MOGS: variants seen among roughly 807,000 people sequenced by gnomAD.
The protein encoded by MOGS is epididymis secretory sperm binding protein.
A neutral mutation model predicts 68.5 loss-of-function variants in MOGS; 45 were observed. The observed-to-expected ratio is 0.66, with a 90% confidence interval of 0.52 to 0.84. MOGS has a LOEUF of 0.84. MOGS is among the 40% of genes least tolerant of loss of function. MOGS has a pLI of 0.00. For missense variants in MOGS, 1,020 were observed against 1,095.0 expected (o/e 0.93, Z 0.97); for synonymous variants, 492 against 461.2 (o/e 1.07, Z -0.86).
In MOGS at chr2:74,462,952, A is replaced by G; in HGVS notation, c.837T>C (p.Ser279=). 1 of 1,613,934 alleles carries G rather than the reference A, an allele frequency of 6.2e-7. No individual in the cohort carries two copies. The highest frequency in any genetic ancestry group is 1.3e-5 in the African/African-American group (1 of 74,948). The change falls in exon 4 of 4, where the codon AGT becomes AGC. Residue 279 remains serine (S), a synonymous_variant. Coordinates refer to ENST00000448666, the MANE Select transcript of MOGS (RefSeq NM_006302.3). ...GATGCTGAAACCAGCTATTTAGGCG[A>G]CTCTTTACCATCTCTGTCAGCAGGG... ...GLPLLTEMVK[S]RLNSWFQHRP...
Position 74,462,942 on chromosome 2 carries a change from T to C in MOGS, c.847A>G (p.Ser283Gly), listed in dbSNP as rs992008210. ...CCTGGGGGCCGATGCTGAAACCAGC[T>C]ATTTAGGCGACTCTTTACCATCTCT... ...LTEMVKSRLN[S>G]WFQHRPPGAP... Residue 283 changes from serine to glycine, a missense_variant, in exon 4 of 4, where the codon AGC (serine) becomes GGC (glycine). By Grantham distance (56) the Ser-to-Gly change is moderately conservative. This residue lies in a region of MOGS where 569 missense variants were observed against 571.9 expected (regional missense o/e 0.99). Coordinates refer to ENST00000448666, the MANE Select transcript of MOGS (RefSeq NM_006302.3). The C allele has an allele frequency of 2.2e-5, 36 of 1,614,086 alleles. No individual in the cohort carries two copies. Among genetic ancestry groups the C allele is most frequent in the Non-Finnish European group, 3.0e-5 (35 of 1,180,044 alleles).
chr2:74,461,133 A>G lies in MOGS; in HGVS notation c.*142T>C. The G allele has an allele frequency of 4.4e-6, 4 of 905,812 alleles. No homozygotes were observed. Among genetic ancestry groups the G allele is most frequent in the Non-Finnish European group, 7.0e-6 (4 of 573,668 alleles). The allele number at this position is 905,812 out of a possible 1,614,324, so 56.1% of individuals were successfully genotyped here. A position where few individuals can be genotyped will look rare whatever the true frequency, so the allele number is the denominator to read the frequency against. ...CACATTCACCCCAGGGCTATGTGGG[A>G]TGACAGCAAGGAGACACCTGAGATG... On this transcript the variant is annotated 3_prime_UTR_variant, in exon 4 of 4. Coordinates refer to ENST00000448666, the MANE Select transcript of MOGS (RefSeq NM_006302.3).
chr2:74,461,356 G>A lies in MOGS; in HGVS notation c.2433C>T (p.Asp811=). 6.2e-7 allele frequency: 1 copy of A among 1,614,148 alleles called. No homozygotes were observed. Among genetic ancestry groups the A allele is most frequent in the Non-Finnish European group, 8.5e-7 (1 of 1,180,054 alleles). ...ATGFLWEQYS[D]RDGRGMGCRP... Reference sequence around the variant, plus strand: ...GGCAGCCCATGCCTCGCCCATCGCGGTCACTGTACTGCTCCCAAAGAAAGC... The same window carrying A: ...GGCAGCCCATGCCTCGCCCATCGCGATCACTGTACTGCTCCCAAAGAAAGC... The change falls in exon 4 of 4, where the codon GAC becomes GAT. Residue 811 remains aspartate, a synonymous_variant. Transcript: ENST00000448666.
At position 74,462,429 on chromosome 2, in the gene MOGS, A is replaced by G; in HGVS notation, c.1360T>C (p.Phe454Leu). 1 of 1,613,450 alleles carries G rather than the reference A, an allele frequency of 6.2e-7. No individual in the cohort carries two copies. Among genetic ancestry groups the G allele is most frequent in the Non-Finnish European group, 8.5e-7 (1 of 1,179,566 alleles). Residue 454 changes from phenylalanine (F) to leucine (L), a missense_variant, in exon 4 of 4, where the codon TTT becomes CTT. This residue lies in a region of MOGS where 181 missense variants were observed against 261.8 expected (regional missense o/e 0.69). Transcript: ENST00000448666. Reference sequence around the variant, plus strand: ...CACCGCTGAACCACCAGCTGGTGAAAGCCTTCATCCCAAAGGAAGCCTCGT... The same window carrying G: ...CACCGCTGAACCACCAGCTGGTGAAGGCCTTCATCCCAAAGGAAGCCTCGT... Reference protein sequence around the residue: ...FPRGFLWDEGFHQLVVQRWDP... With the variant: ...FPRGFLWDEGLHQLVVQRWDP...
chr2:74,465,150 C>A lies in MOGS; in HGVS notation c.98G>T (p.Arg33Leu), dbSNP rs934016068. ...ARGGPGRRDG[R>L]GGGPRSTAGG... ...AGCCGTGCTACGCGGCCCGCCGCCCCGGCCGTCCCGTCGCCCGGGGCCTCC... is the reference window on the plus strand; with the variant it reads ...AGCCGTGCTACGCGGCCCGCCGCCCAGGCCGTCCCGTCGCCCGGGGCCTCC... The change falls in exon 1 of 4, where the codon CGG becomes CTG. Residue 33 changes from arginine (R) to leucine (L), a missense_variant. Around this residue, in one of 3 missense-constraint regions of MOGS, gnomAD observed 569 missense variants for 571.9 expected, o/e 0.99. Coordinates refer to ENST00000448666, the MANE Select transcript of MOGS (RefSeq NM_006302.3). 7 of 1,530,986 alleles carry A rather than the reference C, an allele frequency of 4.6e-6. No homozygotes were observed. In the Admixed American group the frequency reaches 5.9e-5, roughly 13 times the overall value. The allele number at this position is 1,530,986 out of a possible 1,614,324, so 94.8% of individuals were successfully genotyped here. A position where few individuals can be genotyped will look rare whatever the true frequency, so the allele number is the denominator to read the frequency against.
In MOGS at chr2:74,465,304, C is replaced by A; in HGVS notation, c.-57G>T. ...GGAGAGGCGGCAGTGGAGCCCGGGT[C>A]CTGCCTCACCTCTCCGGCTCCCGCC... On this transcript the variant is annotated 5_prime_UTR_variant, in exon 1 of 4. Transcript: ENST00000448666. The A allele has an allele frequency of 7.9e-7, 1 of 1,273,014 alleles. No homozygotes were observed. The highest frequency in any genetic ancestry group is 1.0e-6 in the Non-Finnish European group (1 of 994,936). The allele number at this position is 1,273,014 out of a possible 1,614,324, so 78.9% of individuals were successfully genotyped here.
At position 74,462,983 on chromosome 2, in the gene MOGS, C is replaced by T. The variant is rs201775541; in HGVS notation, c.806G>A (p.Gly269Glu). The change falls in exon 4 of 4, where the codon GGA becomes GAA. Residue 269 changes from glycine to glutamate, a missense_variant. Coordinates refer to ENST00000448666, the MANE Select transcript of MOGS (RefSeq NM_006302.3). ...SYNVFWTSNP[G>E]LPLLTEMVKS... ...TACCATCTCTGTCAGCAGGGGCAGT[C>T]CTGGGTTGGAGGTCCAGAAGACATT... 66 of 1,614,032 alleles carry T rather than the reference C, an allele frequency of 4.1e-5. No homozygotes were observed. The African/African-American group carries it at 7.1e-4, about 17-fold the overall frequency.
Position 74,464,908 on chromosome 2 carries a change from G to T in MOGS, c.340C>A (p.Pro114Thr). Reference protein sequence around the residue: ...YFGMKTRSPKPLLTGLMWAQQ... With the variant: ...YFGMKTRSPKTLLTGLMWAQQ... The stretch of plus-strand genomic sequence containing the variant: ...GGGGCCCGGTTACCGGTGAGGAGGG[G>T]CTTCGGGCTGCGGGTCTTCATGCCG... The change falls in exon 1 of 4, where the codon CCC (proline) becomes ACC (threonine). Residue 114 changes from proline (P) to threonine (T), a missense_variant. Pro to Thr is a conservative substitution (Grantham distance 38). This residue lies in a region of MOGS where 569 missense variants were observed against 571.9 expected (regional missense o/e 0.99). Coordinates refer to ENST00000448666, the MANE Select transcript of MOGS (RefSeq NM_006302.3). The T allele has an allele frequency of 6.2e-7, 1 of 1,605,282 alleles. No individual in the cohort carries two copies. The highest frequency in any genetic ancestry group is 2.2e-5 in the East Asian group (1 of 44,578).
At position 74,465,322 on chromosome 2, in the gene MOGS, C is replaced by T; in HGVS notation, c.-75G>A. 2 of 1,099,796 alleles carry T rather than the reference C, an allele frequency of 1.8e-6. No individual in the cohort carries two copies. The highest frequency in any genetic ancestry group is 1.6e-5 in the African/African-American group (1 of 60,634). The allele number at this position is 1,099,796 out of a possible 1,614,324, so 68.1% of individuals were successfully genotyped here. On this transcript the variant is annotated 5_prime_UTR_variant, in exon 1 of 4. Coordinates refer to ENST00000448666, the MANE Select transcript of MOGS (RefSeq NM_006302.3). ...CCCGGGTCCTGCCTCACCTCTCCGG[C>T]TCCCGCCTCTCGCCCTGGCGACCAC... is the stretch of plus-strand genomic sequence containing the variant.
chr2:74,461,339 A>T lies in MOGS; in HGVS notation c.2450T>A (p.Met817Lys). ...CCAGCCGTGGAAAGGGCGGCAGCCC[A>T]TGCCTCGCCCATCGCGGTCACTGTA... ...EQYSDRDGRG[M>K]GCRPFHGWTS... Residue 817 changes from methionine to lysine, a missense_variant, in exon 4 of 4, where the codon ATG becomes AAG. By Grantham distance (95) the Met-to-Lys change is moderately conservative. This residue lies in a region of MOGS where 270 missense variants were observed against 261.3 expected (regional missense o/e 1.03). Coordinates refer to ENST00000448666, the MANE Select transcript of MOGS (RefSeq NM_006302.3). 1 of 1,614,106 alleles carries T rather than the reference A, an allele frequency of 6.2e-7. No homozygotes were observed. The highest frequency in any genetic ancestry group is 1.1e-5 in the South Asian group (1 of 91,090).
In MOGS at chr2:74,462,209, TCACCAAC is replaced by T; in HGVS notation, c.1573_1579del (p.Val525ThrfsTer47). ...TCGGAGGAAAGCCAAGTCGTCAGGG[TCACCAAC>T]CTCTAGCATATGGGCTACAGGCAAA... On this transcript the variant is annotated frameshift_variant, in exon 4 of 4. Transcript: ENST00000448666. LOFTEE classifies it high-confidence loss of function. The T allele has an allele frequency of 3.7e-6, 6 of 1,613,998 alleles. No homozygotes were observed. Among genetic ancestry groups the T allele is most frequent in the Non-Finnish European group, 5.1e-6 (6 of 1,179,988 alleles).
rs756947454 is a variant in MOGS, at chr2:74,464,616, G to A, written c.459C>T (p.Gly153=). 6.2e-7 allele frequency: 1 copy of A among 1,614,042 alleles called. No individual in the cohort carries two copies. The highest frequency in any genetic ancestry group is 8.5e-7 in the Non-Finnish European group (1 of 1,180,038). The change falls in exon 2 of 4, where the codon GGC becomes GGT. Residue 153 remains glycine (G), a synonymous_variant. Transcript: ENST00000448666. ...GGATGTGTTGGCGCCCGAAGGAGAG[G>A]CCGTCGTGGAACTCCCAGCCATAGG... ...VGPYGWEFHD[G]LSFGRQHIQD...
Position 74,461,562 on chromosome 2 carries a change from A to C in MOGS, c.2227T>G (p.Ser743Ala), listed in dbSNP as rs1671904864. 2 of 1,614,012 alleles carry C rather than the reference A, an allele frequency of 1.2e-6. No individual in the cohort carries two copies. The highest frequency in any genetic ancestry group is 1.7e-6 in the Non-Finnish European group (2 of 1,179,934). Reference sequence around the variant, plus strand: ...CGCCAGTAGGGGGGATCATGCTCTGAATTGCGCTGGCCATAAAAGGAGCTG... The same window carrying C: ...CGCCAGTAGGGGGGATCATGCTCTGCATTGCGCTGGCCATAAAAGGAGCTG... ...ASSSFYGQRN[S>A]EHDPPYWRGA... The change falls in exon 4 of 4, where the codon TCA becomes GCA. Residue 743 changes from serine to alanine, a missense_variant. This residue lies in a region of MOGS where 270 missense variants were observed against 261.3 expected (regional missense o/e 1.03). Coordinates refer to ENST00000448666, the MANE Select transcript of MOGS (RefSeq NM_006302.3).
In MOGS at chr2:74,465,306, T is replaced by C. The variant is rs1445717120; in HGVS notation, c.-59A>G. On this transcript the variant is annotated 5_prime_UTR_variant, in exon 1 of 4. Coordinates refer to ENST00000448666, the MANE Select transcript of MOGS (RefSeq NM_006302.3). ...AGAGGCGGCAGTGGAGCCCGGGTCC[T>C]GCCTCACCTCTCCGGCTCCCGCCTC... is the stretch of plus-strand genomic sequence containing the variant. 2 of 1,271,020 alleles carry C rather than the reference T, an allele frequency of 1.6e-6. No individual in the cohort carries two copies. The highest frequency in any genetic ancestry group is 2.1e-5 in the South Asian group (1 of 47,390). 78.7% of individuals were successfully genotyped at this position (1,271,020 alleles called of 1,614,324 possible).
Position 74,461,603 on chromosome 2 carries a change from C to T in MOGS, c.2186G>A (p.Arg729His), listed in dbSNP as rs1236546131. The T allele has an allele frequency of 3.1e-6, 5 of 1,613,758 alleles. No individual in the cohort carries two copies. The highest frequency in any genetic ancestry group is 1.1e-5 in the South Asian group (1 of 91,078). The part of the protein sequence containing the change: ...SRHLWSPFGL[R>H]SLAASSSFYG... ...AAAGGAGCTGGAGGCTGCAAGGGAG[C>T]GTAAACCAAAGGGGCTCCAGAGATG... The change falls in exon 4 of 4, where the codon CGC (arginine) becomes CAC (histidine). Residue 729 changes from arginine (R) to histidine (H), a missense_variant. This residue lies in a region of MOGS where 270 missense variants were observed against 261.3 expected (regional missense o/e 1.03). Transcript: ENST00000448666.
Position 74,465,095 on chromosome 2 carries a change from C to A in MOGS, c.153G>T (p.Leu51=). Residue 51 remains leucine, a synonymous_variant, in exon 1 of 4, where the codon CTG becomes CTT. Transcript: ENST00000448666. The part of the protein sequence containing the change: ...AGGVALAVVV[L]SLALGMSGRW... ...GCCCCGACATACCCAGGGCCAAAGA[C>A]AGGACCACGACGGCCAGAGCCACTC... The A allele has an allele frequency of 6.4e-7, 1 of 1,552,330 alleles. No individual in the cohort carries two copies. The highest frequency in any genetic ancestry group is 8.7e-7 in the Non-Finnish European group (1 of 1,151,286).
At position 74,462,511 on chromosome 2, in the gene MOGS, T is replaced by C; in HGVS notation, c.1278A>G (p.Pro426=). The C allele has an allele frequency of 6.2e-7, 1 of 1,607,750 alleles. No individual in the cohort carries two copies. The highest frequency in any genetic ancestry group is 2.2e-5 in the East Asian group (1 of 44,754). Residue 426 remains proline, a synonymous_variant, in exon 4 of 4, where the codon CCA becomes CCG. Transcript: ENST00000448666. ...AAAGAGGTACGGGTGGAAAGAGGGC[T>C]GGGTCCACCTTCTGCTCAGACCCTT... The part of the protein sequence containing the change: ...GVEGSEQKVD[P]ALFPPVPLFT...
Position 74,464,886 on chromosome 2 carries a change from G to T in MOGS, c.352+10C>A, listed in dbSNP as rs771799359. ...AGTCCGCCTGCCTGCCCGCCCTGGGGCCCGGTTACCGGTGAGGAGGGGCTT... is the reference window on the plus strand; with the variant it reads ...AGTCCGCCTGCCTGCCCGCCCTGGGTCCCGGTTACCGGTGAGGAGGGGCTT... On this transcript the variant is annotated intron_variant, in intron 1 of 3. Transcript: ENST00000448666. 4 of 1,604,776 alleles carry T rather than the reference G, an allele frequency of 2.5e-6. No individual in the cohort carries two copies. Among genetic ancestry groups the T allele is most frequent in the African/African-American group, 1.3e-5 (1 of 74,818 alleles).
chr2:74,462,256 G>C lies in MOGS; in HGVS notation c.1533C>G (p.Asn511Lys), dbSNP rs375925537. The change falls in exon 4 of 4, where the codon AAC (asparagine) becomes AAG (lysine). Residue 511 changes from asparagine (N) to lysine (K), a missense_variant. Asn to Lys is a moderately conservative substitution (Grantham distance 94). Coordinates refer to ENST00000448666, the MANE Select transcript of MOGS (RefSeq NM_006302.3). Reference sequence around the variant, plus strand: ...CTACAGGCAAAAGTAGGGTTGGGGGGTTGGCGTGGACTGCTCGTTGTACTA... The same window carrying C: ...CTACAGGCAAAAGTAGGGTTGGGGGCTTGGCGTGGACTGCTCGTTGTACTA... The part of the protein sequence containing the change: ...EFLVQRAVHA[N>K]PPTLLLPVAH... 4 of 1,614,070 alleles carry C rather than the reference G, an allele frequency of 2.5e-6. No individual in the cohort carries two copies. Among genetic ancestry groups the C allele is most frequent in the Non-Finnish European group, 3.4e-6 (4 of 1,180,044 alleles).
Sources: gnomAD v4.1 joint callset for allele counts on GRCh38, gnomAD v4.1.1 for gene constraint, gnomAD v4.1.1 regional missense constraint, MANE v1.5 for transcripts, NCBI Gene and HGNC (gene_info 2026-07-23, HGNC 2026-07-21) for gene names.